The following COL19A1 variants were observed in gnomAD, a reference collection of about 807,000 sequenced individuals.
COL19A1 encodes collagen alpha-1(XIX) chain.
Under a neutral mutation model 190.2 loss-of-function variants are expected in COL19A1, and 159 were observed. The ratio of observed to expected loss-of-function variants is 0.84; its 90% CI spans 0.73 to 0.95. The LOEUF (loss-of-function observed/expected upper bound fraction) is 0.95, where lower values mean the gene tolerates loss of function less well. COL19A1 is among the 40% of genes least tolerant of loss of function. COL19A1 has a pLI of 0.00. For synonymous variants in COL19A1, 509 were observed against 458.9 expected, an observed-to-expected ratio of 1.11 and a Z score of -1.39; for missense variants, 1,418 against 1,431.9, an observed-to-expected ratio of 0.99 and a Z score of 0.16.
intron 40 of COL19A1, among the ~76,000 whole-genome samples, chr6:70,169,349 T>C (rs1302005521): frequency 1.3e-5 from 2 of 152,230 alleles, no homozygotes; most frequent in Non-Finnish European, 2.9e-5. Flanking sequence ...ATATCCTTCA[T>C]GTTTCATTTG....
At chr6:69,916,960 C>T (rs549527533) in intron 4 of COL19A1, among the ~76,000 whole-genome samples, 14 of 152,284 alleles carry the variant, frequency 9.2e-5, no homozygotes, top group South Asian at 4.1e-4. Context: ...AGTTATTTAA[C>T]GTCTGCAGCT....
chr6:70,128,484 G>C (rs1404481906), intron 17 of COL19A1, among the ~76,000 whole-genome samples: 1 of 152,150 alleles, frequency 6.6e-6, no homozygotes, highest in Admixed American at 6.5e-5. Flanking sequence ...GTAGCAAGAA[G>C]GTCGATTACT....
At chr6:70,114,501 A>G (rs567140792) in intron 16 of COL19A1, among the ~76,000 whole-genome samples, 1 of 152,342 alleles carries the variant, frequency 6.6e-6, no homozygotes, top group Non-Finnish European at 1.5e-5. Context: ...GCAATAATGC[A>G]TGTACCTCAC....
At chr6:70,170,002 G>A (rs144862286) in intron 40 of COL19A1, among the ~76,000 whole-genome samples, 1 of 152,094 alleles carries the variant, frequency 6.6e-6, no homozygotes, top group Non-Finnish European at 1.5e-5. Flanking sequence ...CAAAAATGTA[G>A]ACCTATTTGA....
intron 14 of COL19A1, among the ~76,000 whole-genome samples, chr6:70,062,545 A>G (rs1383422683): frequency 6.6e-6 from 1 of 152,188 alleles, no homozygotes; most frequent in Non-Finnish European, 1.5e-5. Flanking sequence ...TGTAAAGACC[A>G]TCAAGTCTAG....
chr6:69,913,812 G>A (rs1297338859), intron 4 of COL19A1, among the ~76,000 whole-genome samples: 2 of 152,082 alleles, frequency 1.3e-5, no homozygotes, highest in Admixed American at 6.6e-5. Flanking sequence ...ACAGCTGAGC[G>A]CATATGCCAT....
At chr6:69,888,037 A>G (rs766741503) in intron 2 of COL19A1, among the ~76,000 whole-genome samples, 1 of 152,202 alleles carries the variant, frequency 6.6e-6, no homozygotes, top group Non-Finnish European at 1.5e-5. Context: ...ATGAAGACCA[A>G]TCTTAACTTC....
At position 69,949,522 on chromosome 6, in the gene COL19A1, AT is replaced by A. The variant is rs796874970; in HGVS notation, c.937-10466del. Among the ~76,000 whole-genome samples the A allele has an allele frequency of 7.2e-5, 11 of 151,924 alleles. No homozygotes were observed. The South Asian group carries it at 2.1e-3, about 29-fold the overall frequency. On this transcript the variant is annotated intron_variant, in intron 9 of 50. Transcript: ENST00000620364. ...TAACAGTAGGTTAATAAATTGTAAA[AT>A]TTTTTTTAAATTTCAAAATTTTAAA...
At position 70,199,594 on chromosome 6, in the gene COL19A1, T is replaced by G. The variant is rs761828662; in HGVS notation, c.3095-14T>G. ...CTGTTCTATGATATATTATTTTTTC[T>G]TCTATACATGAAGAGAGGATGGCTG... On this transcript the variant is annotated splice_polypyrimidine_tract_variant and intron_variant, in intron 48 of 50. Transcript: ENST00000620364. 2.0e-6 allele frequency: 3 copies of G among 1,482,870 alleles called. No individual in the cohort carries two copies. Among genetic ancestry groups the G allele is most frequent in the African/African-American group, 2.8e-5 (2 of 70,580 alleles). The allele number at this position is 1,482,870 out of a possible 1,614,324, so 91.9% of individuals were successfully genotyped here. A position where few individuals can be genotyped will look rare whatever the true frequency, so the allele number is the denominator to read the frequency against.
At chr6:70,193,943 T>C (rs1305169949) in intron 48 of COL19A1, among the ~76,000 whole-genome samples, 2 of 152,230 alleles carry the variant, frequency 1.3e-5, no homozygotes, top group East Asian at 3.9e-4. Context: ...TTTCGGAAAG[T>C]TTTTTCTCTA....
At chr6:70,188,313 G>A (rs1766654933) in intron 47 of COL19A1, 68 bp downstream of exon 47, 5 of 1,480,560 alleles carry the variant, frequency 3.4e-6, no homozygotes, top group Admixed American at 2.5e-5. Context: ...TACAATGAAA[G>A]CAATGATACT....
chr6:70,142,912 T>A, intron 23 of COL19A1, 92 bp downstream of exon 23: 2 of 1,159,078 alleles, frequency 1.7e-6, no homozygotes, highest in East Asian at 2.4e-5. Context: ...AACTGAGTTA[T>A]CCCTCATTTC....
At chr6:70,145,684 G>A (rs962477024) in intron 25 of COL19A1, among the ~76,000 whole-genome samples, 3 of 149,606 alleles carry the variant, frequency 2.0e-5, no homozygotes, top group African/African-American at 7.4e-5. Flanking sequence ...TAAAAGTCAG[G>A]GGAAAAAAGA....
intron 40 of COL19A1, among the ~76,000 whole-genome samples, chr6:70,170,361 G>A (rs923929706): frequency 1.3e-5 from 2 of 152,092 alleles, no homozygotes; most frequent in Non-Finnish European, 2.9e-5. Context: ...AAGTCTTTTT[G>A]AGGTTGGAAA....
At chr6:70,093,577 TAGGA>T (rs1783058651) in intron 15 of COL19A1, among the ~76,000 whole-genome samples, 1 of 151,832 alleles carries the variant, frequency 6.6e-6, no homozygotes, top group South Asian at 2.1e-4. Flanking sequence ...AGAGGAGAAC[TAGGA>T]AGATCCACGT....
At chr6:69,866,868 C>T (rs1767476580) in intron 1 of COL19A1, among the ~76,000 whole-genome samples, 1 of 152,188 alleles carries the variant, frequency 6.6e-6, no homozygotes, top group African/African-American at 2.4e-5. Flanking sequence ...GAGACGGCCA[C>T]TCTCATGTGG....
chr6:70,188,302 T>C (rs1766654631), intron 47 of COL19A1, 57 bp downstream of exon 47: 6 of 1,511,330 alleles, frequency 4.0e-6, no homozygotes, highest in Non-Finnish European at 5.3e-6. Context: ...TGTATCCCTT[T>C]TACAATGAAA....
chr6:70,037,800 T>C (rs565679173), intron 14 of COL19A1, among the ~76,000 whole-genome samples: 1 of 152,290 alleles, frequency 6.6e-6, no homozygotes, highest in African/African-American at 2.4e-5. Flanking sequence ...AGCTTCTTTC[T>C]GCCAAGGAAC....
chr6:70,153,658 G>T (rs181386657), intron 31 of COL19A1, among the ~76,000 whole-genome samples: 1 of 152,012 alleles, frequency 6.6e-6, no homozygotes, highest in Non-Finnish European at 1.5e-5. Context: ...GATATGCCAA[G>T]GTTTTGCTCC....
Sources: gnomAD v4.1 joint callset for allele counts (sites outside exome capture counted in the v4.1 genomes callset) on GRCh38, gnomAD v4.1.1 for gene constraint, MANE v1.5 for transcripts, NCBI Gene and HGNC (gene_info 2026-07-23, HGNC 2026-07-21) for gene names.